Variants in UST observed in about 807,000 individuals in gnomAD.
The protein encoded by UST is chondroitin sulfate 2-O-sulfotransferase.
Under a neutral mutation model 45.6 loss-of-function variants are expected in UST, and 21 were observed. That is an observed-to-expected ratio of 0.46 (90% CI 0.33 to 0.66). UST has a LOEUF of 0.66. Ranked by LOEUF, UST falls within the 30% of genes least tolerant of loss-of-function variation. The probability of loss-of-function intolerance (pLI) is 0.02; values close to 1 mark genes in which losing one functional copy is unlikely to be tolerated. For missense variants in UST, 463 were observed against 512.4 expected (o/e 0.90, Z 0.93); for synonymous variants, 215 against 200.6 (o/e 1.07, Z -0.61).
chr6:149,005,815 G>A (rs1304753854), intron 5 of UST, among the ~76,000 whole-genome samples: 1 of 152,218 alleles, frequency 6.6e-6, no homozygotes, highest in Non-Finnish European at 1.5e-5. Flanking sequence ...AAGCCAGAGA[G>A]AGCCCCAGAT....
chr6:148,789,427 T>A (rs1332819465), intron 1 of UST, among the ~76,000 whole-genome samples: 2 of 86,624 alleles, frequency 2.3e-5, no homozygotes, highest in Admixed American at 1.1e-4. Flanking sequence ...CTTGTGCAGA[T>A]CTCTCTCTCT....
intron 1 of UST, among the ~76,000 whole-genome samples, chr6:148,859,851 A>G (rs551472830): frequency 3.3e-5 from 5 of 152,186 alleles, no homozygotes; most frequent in Admixed American, 1.3e-4. Context: ...CCATTGATCT[A>G]TATCTCTGTT....
chr6:148,981,379 C>G (rs557848161), intron 5 of UST, among the ~76,000 whole-genome samples: 1 of 152,340 alleles, frequency 6.6e-6, no homozygotes, highest in South Asian at 2.1e-4. Flanking sequence ...CTTCAGAAAC[C>G]TTGTTCTTAA....
At chr6:149,064,624 G>A (rs1028735419) in intron 7 of UST, among the ~76,000 whole-genome samples, 14 of 152,152 alleles carry the variant, frequency 9.2e-5, no homozygotes, top group African/African-American at 3.4e-4. Flanking sequence ...TGATTTTGAC[G>A]AGAAGCACTT....
In UST at chr6:148,827,838, C is replaced by G. The variant is rs1345003371; in HGVS notation, c.248-59148C>G. Among the ~76,000 whole-genome samples the G allele has an allele frequency of 2.0e-5, 3 of 151,598 alleles. No homozygotes were observed. The East Asian group carries it at 5.8e-4, about 29-fold the overall frequency. ...TATTTAGATGAACATATGCGGTTTA[C>G]TAAAACAGATGGTAGAGAATTTTTA... is the stretch of plus-strand genomic sequence containing the variant. On this transcript the variant is annotated intron_variant, in intron 1 of 7. Coordinates refer to ENST00000367463, the MANE Select transcript of UST (RefSeq NM_005715.3).
chr6:148,833,406 G>C (rs983794653), intron 1 of UST, among the ~76,000 whole-genome samples: 6 of 152,206 alleles, frequency 3.9e-5, no homozygotes, highest in Non-Finnish European at 1.5e-5. Context: ...AGGATCGCTT[G>C]AGCCCCGGAG....
intron 1 of UST, among the ~76,000 whole-genome samples, chr6:148,818,590 G>T (rs1034351544): frequency 5.3e-5 from 8 of 152,190 alleles, no homozygotes; most frequent in Non-Finnish European, 1.2e-4. Flanking sequence ...TTTCAAACCT[G>T]GGTGGCTGGC....
intron 5 of UST, chr6:149,005,618 C>T: frequency 1.0e-6 from 1 of 984,840 alleles, no homozygotes; most frequent in Non-Finnish European, 1.2e-6. Flanking sequence ...TCTCTCCCTC[C>T]CTCTCTCCAC....
chr6:148,966,744 G>A (rs965524425), intron 5 of UST, among the ~76,000 whole-genome samples: 6 of 152,082 alleles, frequency 3.9e-5, no homozygotes, highest in Non-Finnish European at 7.4e-5. Flanking sequence ...GTTCGTTTTT[G>A]TTTTTGTTTT....
intron 7 of UST, among the ~76,000 whole-genome samples, chr6:149,042,957 TTCTTTCTTTCTTTC>T (rs1217493472): frequency 5.6e-5 from 2 of 35,590 alleles, no homozygotes; most frequent in African/African-American, 2.4e-4. Flanking sequence ...CACCATCCTT[TTCTTTCTTTCTTTC>T]TTTCTTTCTT....
chr6:149,050,970 G>C (rs138707316), intron 7 of UST, among the ~76,000 whole-genome samples: 33 of 152,342 alleles, frequency 2.2e-4, no homozygotes, highest in African/African-American at 7.7e-4. Flanking sequence ...GAGCCAGGGA[G>C]ACTGCTGGGC....
At chr6:148,891,095 A>G (rs1336752459) in intron 2 of UST, among the ~76,000 whole-genome samples, 1 of 152,230 alleles carries the variant, frequency 6.6e-6, no homozygotes, top group Non-Finnish European at 1.5e-5. Flanking sequence ...AGTTCATTAA[A>G]GTAACACCTG....
chr6:149,019,070 A>T, intron 5 of UST, 69 bp from the exon 6 acceptor site: 1 of 1,148,620 alleles, frequency 8.7e-7, no homozygotes, highest in Non-Finnish European at 1.3e-6. Flanking sequence ...ATTTTACTTA[A>T]ACTGTGTGGC....
At chr6:148,993,956 C>CTTTTTTTTTTTTTTT (rs57552256) in intron 5 of UST, among the ~76,000 whole-genome samples, 2 of 95,366 alleles carry the variant, frequency 2.1e-5, no homozygotes, top group African/African-American at 9.2e-5. Flanking sequence ...TATTTCTTTC[C>CTTTTTTTTTTTTTTT]TTTTTTTTTT....
chr6:149,067,060 A>G (rs1776742479), intron 7 of UST, among the ~76,000 whole-genome samples: 1 of 152,144 alleles, frequency 6.6e-6, no homozygotes, highest in Non-Finnish European at 1.5e-5. Context: ...GGCAATTTTG[A>G]AGAGTAGTAA....
chr6:148,979,456 A>G (rs1424459448), intron 5 of UST, among the ~76,000 whole-genome samples: 3 of 152,146 alleles, frequency 2.0e-5, no homozygotes, highest in African/African-American at 4.8e-5. Flanking sequence ...TTCACCTCTG[A>G]CACAGAGACC....
At chr6:148,909,002 A>G (rs1198009446) in intron 2 of UST, among the ~76,000 whole-genome samples, 2 of 152,202 alleles carry the variant, frequency 1.3e-5, no homozygotes, top group East Asian at 1.9e-4. Context: ...TTGTGGTTGT[A>G]TGACCATTGA....
At chr6:148,850,494 G>C (rs1490328832) in intron 1 of UST, among the ~76,000 whole-genome samples, 1 of 152,126 alleles carries the variant, frequency 6.6e-6, no homozygotes, top group African/African-American at 2.4e-5. Flanking sequence ...ATCTGGGTTA[G>C]GACAACCAAT....
At chr6:148,953,813 A>G in intron 3 of UST, 59 bp from the exon 4 acceptor site, 1 of 1,112,538 alleles carries the variant, frequency 9.0e-7, no homozygotes, top group African/African-American at 1.6e-5. Context: ...ATAACCTTTA[A>G]CTTAATATGG....
Sources: gnomAD v4.1 joint callset for allele counts (sites outside exome capture counted in the v4.1 genomes callset) on GRCh38, gnomAD v4.1.1 for gene constraint, MANE v1.5 for transcripts, NCBI Gene and HGNC (gene_info 2026-07-23, HGNC 2026-07-21) for gene names.